JAK2: variants seen among roughly 807,000 people sequenced by gnomAD.
JAK2 encodes tyrosine-protein kinase JAK2.
JAK2 carries 86 observed loss-of-function variants against 139.3 expected under a neutral mutation model. The ratio of observed to expected loss-of-function variants is 0.62; its 90% CI spans 0.52 to 0.74. The LOEUF is 0.74. Ranked by LOEUF, JAK2 falls within the 30% of genes least tolerant of loss-of-function variation. JAK2 has a pLI of 0.00. For missense variants in JAK2, 1,421 were observed against 1,360.3 expected (o/e 1.04, Z -0.70); for synonymous variants, 490 against 437.7 (o/e 1.12, Z -1.49).
intron 4 of JAK2, among the ~76,000 whole-genome samples, chr9:5,039,723 A>G (rs1340021223): frequency 6.6e-6 from 1 of 152,296 alleles, no homozygotes; most frequent in South Asian, 2.1e-4. Context: ...AATTAAAAAA[A>G]TTTCATTAAC....
chr9:5,109,282 G>A (rs1477815829), intron 22 of JAK2: 3 of 151,962 alleles, frequency 2.0e-5, no homozygotes, highest in African/African-American at 7.3e-5. Context: ...ATTATTATGG[G>A]CTTTACATGC....
intron 22 of JAK2, chr9:5,110,956 G>A (rs1822446509): frequency 1.7e-6 from 1 of 596,596 alleles, no homozygotes; most frequent in South Asian, 1.5e-5. Flanking sequence ...CACGGACAAG[G>A]AGCTCAGTAA....
At position 5,127,612 on chromosome 9, in the gene JAK2, C is replaced by G. The variant is rs558506012; in HGVS notation, c.*821C>G. On this transcript the variant is annotated 3_prime_UTR_variant, in exon 25 of 25. Coordinates refer to ENST00000381652, the MANE Select transcript of JAK2 (RefSeq NM_004972.4). ...TTCTAAGACTACTATGAACAGTTTT[C>G]TTTTAAAATTTTGAGATTAAGAATG... 6 of 231,794 alleles carry G rather than the reference C, an allele frequency of 2.6e-5. No individual in the cohort carries two copies. The highest frequency in any genetic ancestry group is 1.1e-4 in the African/African-American group (5 of 45,346). 14.4% of individuals were successfully genotyped at this position (231,794 alleles called of 1,614,324 possible).
intron 7 of JAK2, among the ~76,000 whole-genome samples, chr9:5,055,254 G>C (rs1022685410): frequency 6.6e-6 from 1 of 151,944 alleles, no homozygotes; most frequent in Admixed American, 6.6e-5. Context: ...ATATATACCT[G>C]CTAAATAATG....
intron 2 of JAK2, among the ~76,000 whole-genome samples, chr9:5,013,158 G>C (rs1821809936): frequency 6.6e-6 from 1 of 151,990 alleles, no homozygotes; most frequent in African/African-American, 2.4e-5. Flanking sequence ...TTTCTTTCTT[G>C]CTCAATAAGA....
chr9:5,028,745 C>T (rs942883150), intron 3 of JAK2, among the ~76,000 whole-genome samples: 1 of 152,174 alleles, frequency 6.6e-6, no homozygotes, highest in Admixed American at 6.5e-5. Flanking sequence ...TTTTCTTAAA[C>T]CTCATGAACC....
At chr9:5,024,015 G>A (rs916312049) in intron 3 of JAK2, among the ~76,000 whole-genome samples, 42 of 152,120 alleles carry the variant, frequency 2.8e-4, no homozygotes, top group Non-Finnish European at 4.7e-4. Flanking sequence ...CCAGCACTTT[G>A]GGAGGCTGAG....
rs765699090 is a variant in JAK2, at chr9:5,044,479, C to T, written c.427C>T (p.Pro143Ser). ...RHGISRGAEA[P>S]LLDDFVMSYL... ...TGGAATATCTCGAGGTGCTGAAGCT[C>T]CTCTTCTTGATGACTTTGTCATGTC... Residue 143 changes from proline (P) to serine (S), a missense_variant, in exon 5 of 25, where the codon CCT becomes TCT. Physicochemically the swap from Pro to Ser is moderately conservative, Grantham distance 74 (BLOSUM62 -1). Transcript: ENST00000381652. The T allele has an allele frequency of 1.9e-6, 3 of 1,612,054 alleles. No homozygotes were observed. The highest frequency in any genetic ancestry group is 1.7e-5 in the Admixed American group (1 of 59,762).
chr9:5,111,684 G>A, intron 22 of JAK2: 1 of 425,382 alleles, frequency 2.4e-6, no homozygotes, highest in Non-Finnish European at 4.7e-6. Flanking sequence ...GTGGGCAGTG[G>A]CGGAGGCAGC....
intron 2 of JAK2, among the ~76,000 whole-genome samples, chr9:4,996,283 T>C (rs1328313627): frequency 6.6e-6 from 1 of 152,124 alleles, no homozygotes; most frequent in Non-Finnish European, 1.5e-5. Flanking sequence ...ACCCTGTCTC[T>C]ACTAAATACA....
At chr9:4,995,079 A>G (rs1362828042) in intron 2 of JAK2, among the ~76,000 whole-genome samples, 1 of 152,206 alleles carries the variant, frequency 6.6e-6, no homozygotes, top group Non-Finnish European at 1.5e-5. Context: ...CTACACCTTT[A>G]CTAACATTGT....
At chr9:5,070,191 A>T in intron 12 of JAK2, 139 bp downstream of exon 12, 1 of 504,850 alleles carries the variant, frequency 2.0e-6, no homozygotes, top group Non-Finnish European at 3.3e-6. Context: ...TCTTATGAAA[A>T]ATATGCCAAC....
At position 5,072,541 on chromosome 9, in the gene JAK2, G is replaced by A. The variant is rs368927897; in HGVS notation, c.1691G>A (p.Arg564Gln). 18 of 1,608,098 alleles carry A rather than the reference G, an allele frequency of 1.1e-5. No homozygotes were observed. The highest frequency in any genetic ancestry group is 8.0e-5 in the African/African-American group (6 of 74,732). The change falls in exon 13 of 25, where the codon CGA becomes CAA. Residue 564 changes from arginine to glutamine, a missense_variant. Physicochemically the swap from Arg to Gln is conservative, Grantham distance 43. Transcript: ENST00000381652. ...GTFTKIFKGVRREVGDYGQLH... is the reference protein window; with the variant it reads ...GTFTKIFKGVQREVGDYGQLH... ...TTTACAAAGATTTTTAAAGGCGTACGAAGAGAAGTAGGAGACTACGGTCAA... is the reference window on the plus strand; with the variant it reads ...TTTACAAAGATTTTTAAAGGCGTACAAAGAGAAGTAGGAGACTACGGTCAA...
At chr9:4,992,500 A>G (rs552074118) in intron 2 of JAK2, among the ~76,000 whole-genome samples, 2 of 152,232 alleles carry the variant, frequency 1.3e-5, no homozygotes, top group Middle Eastern at 3.4e-3. Context: ...TATTAATACT[A>G]TTGCCATAGT....
At chr9:5,112,703 G>C (rs563556404) in intron 22 of JAK2, 13 of 866,084 alleles carry the variant, frequency 1.5e-5, no homozygotes, top group South Asian at 3.1e-5. Flanking sequence ...GGAGCAGCAA[G>C]TGCGAGAGCG....
intron 8 of JAK2, 129 bp from the exon 9 acceptor site, chr9:5,064,754 A>G: frequency 1.7e-6 from 1 of 587,436 alleles, no homozygotes; most frequent in Non-Finnish European, 2.9e-6. Context: ...CATATTGAGT[A>G]CTGAGCCATA....
intron 19 of JAK2, chr9:5,085,237 G>A: frequency 3.0e-6 from 2 of 671,972 alleles, no homozygotes; most frequent in South Asian, 1.4e-5. Context: ...AAATAGGACA[G>A]GACCAGTGGC....
chr9:5,062,990 C>A (rs1586725480), intron 8 of JAK2, among the ~76,000 whole-genome samples: 1 of 152,136 alleles, frequency 6.6e-6, no homozygotes, highest in East Asian at 1.9e-4. Flanking sequence ...TTTGTAATCT[C>A]CAAGTCTTTT....
chr9:5,051,818 T>C (rs1288455705), intron 6 of JAK2, among the ~76,000 whole-genome samples: 1 of 152,138 alleles, frequency 6.6e-6, no homozygotes, highest in East Asian at 1.9e-4. Context: ...ACATACCCAA[T>C]TTGCAGAGTA....
Sources: allele counts gnomAD v4.1 joint callset (sites outside exome capture counted in the v4.1 genomes callset), GRCh38; gene constraint gnomAD v4.1.1; transcripts MANE v1.5; gene names NCBI Gene and HGNC (gene_info 2026-07-23, HGNC 2026-07-21).